The following CSNK2A2 variants were observed in gnomAD, a reference collection of about 807,000 sequenced individuals.
The protein encoded by CSNK2A2 is casein kinase II subunit alpha'.
A neutral mutation model predicts 54.0 loss-of-function variants in CSNK2A2; 8 were observed. That is an observed-to-expected ratio of 0.15 (90% CI 0.09 to 0.27). The LOEUF (loss-of-function observed/expected upper bound fraction) is 0.27, where lower values mean the gene tolerates loss of function less well. Among genes scored for constraint, CSNK2A2 ranks in the 10% least tolerant of loss-of-function variants. The pLI is 1.00. For synonymous variants in CSNK2A2, 141 were observed against 153.9 expected (o/e 0.92, Z 0.62); for missense variants, 242 against 439.4 (o/e 0.55, Z 4.02).
intron 11 of CSNK2A2, 149 bp from the exon 12 acceptor site, chr16:58,158,502 T>C (rs1218323351): frequency 6.6e-6 from 1 of 152,162 alleles, no homozygotes; most frequent in Non-Finnish European, 1.5e-5. Flanking sequence ...ACTCGCTGAG[T>C]TCAGGTTTCC....
At chr16:58,186,539 G>C (rs1463610922) in intron 3 of CSNK2A2, among the ~76,000 whole-genome samples, 1 of 152,132 alleles carries the variant, frequency 6.6e-6, no homozygotes, top group Admixed American at 6.5e-5. Context: ...CCCAGAAAAG[G>C]GATTTTTCTC....
intron 4 of CSNK2A2, among the ~76,000 whole-genome samples, chr16:58,175,027 G>T (rs1961839796): frequency 6.6e-6 from 1 of 152,218 alleles, no homozygotes; most frequent in Non-Finnish European, 1.5e-5. Flanking sequence ...AGCATTTGCA[G>T]ATGGCAAGAG....
intron 3 of CSNK2A2, 71 bp downstream of exon 3, chr16:58,186,684 C>T: frequency 9.6e-7 from 1 of 1,039,718 alleles, no homozygotes; most frequent in Admixed American, 1.9e-5. Context: ...ACGTGAGGTT[C>T]TGTGTGTTAA....
intron 10 of CSNK2A2, among the ~76,000 whole-genome samples, chr16:58,164,696 G>C (rs1011960252): frequency 1.3e-5 from 2 of 152,168 alleles, no homozygotes; most frequent in Non-Finnish European, 1.5e-5. Flanking sequence ...CCAGACACTG[G>C]GGCGGGGACA....
At chr16:58,187,205 T>A (rs1962213489) in intron 2 of CSNK2A2, among the ~76,000 whole-genome samples, 1 of 151,074 alleles carries the variant, frequency 6.6e-6, no homozygotes, top group Non-Finnish European at 1.5e-5. Flanking sequence ...CAGCTGTATA[T>A]CATGCACTCA....
rs144899832 is a variant in CSNK2A2, at chr16:58,196,778, G to A, written c.171C>T (p.Ala57=). ...GRGKYSEVFE[A]INITNNERVV... is the part of the protein sequence containing the mutation. ...CTCTCTCATTGTTGGTGATATTAAT[G>A]GCCTCAAATACTTCACTATATTTTC... Residue 57 remains alanine (A), a synonymous_variant, in exon 2 of 12, where the codon GCC becomes GCT. Coordinates refer to ENST00000262506, the MANE Select transcript of CSNK2A2 (RefSeq NM_001896.4). 6.2e-7 allele frequency: 1 copy of A among 1,613,842 alleles called. No homozygotes were observed. The highest frequency in any genetic ancestry group is 8.5e-7 in the Non-Finnish European group (1 of 1,179,798).
intron 1 of CSNK2A2, 39 bp from the exon 2 acceptor site, chr16:58,196,883 G>A: frequency 7.4e-7 from 1 of 1,344,092 alleles, no homozygotes; most frequent in Non-Finnish European, 1.1e-6. Flanking sequence ...CCAGGACTGG[G>A]GGTTAACCAA....
chr16:58,175,965 A>AT (rs1291167470), intron 4 of CSNK2A2, among the ~76,000 whole-genome samples: 2 of 152,222 alleles, frequency 1.3e-5, no homozygotes, highest in Non-Finnish European at 2.9e-5. Flanking sequence ...CTTCAGCTAC[A>AT]TAACACACAC....
chr16:58,165,826 CT>C, intron 9 of CSNK2A2, 118 bp from the exon 10 acceptor site: 2 of 1,095,248 alleles, frequency 1.8e-6, no homozygotes, highest in Non-Finnish European at 2.6e-6. Flanking sequence ...CTTGTTAAAT[CT>C]CTAACTGGTG....
chr16:58,173,828 T>C (rs983923835), intron 5 of CSNK2A2, among the ~76,000 whole-genome samples: 50 of 152,036 alleles, frequency 3.3e-4, no homozygotes, highest in African/African-American at 1.2e-3. Context: ...GGCTTGGCCA[T>C]GTGATTTGCT....
At chr16:58,184,919 G>A (rs3784917) in intron 3 of CSNK2A2, among the ~76,000 whole-genome samples, 1 of 152,072 alleles carries the variant, frequency 6.6e-6, no homozygotes, top group African/African-American at 2.4e-5. Flanking sequence ...CTTGGCTAGA[G>A]ACCATTAAAG....
intron 2 of CSNK2A2, among the ~76,000 whole-genome samples, chr16:58,191,086 G>A (rs2142448689): frequency 6.6e-6 from 1 of 152,274 alleles, no homozygotes; most frequent in Non-Finnish European, 1.5e-5. Flanking sequence ...GATAAACTTG[G>A]AGGACATTAT....
chr16:58,163,674 C>A (rs946689542), intron 11 of CSNK2A2: 4 of 155,686 alleles, frequency 2.6e-5, no homozygotes, highest in African/African-American at 9.6e-5. Context: ...CTGAATTTCA[C>A]CAAAGGAAAC....
At chr16:58,171,062 A>G (rs1320427632) in intron 5 of CSNK2A2, among the ~76,000 whole-genome samples, 1 of 151,982 alleles carries the variant, frequency 6.6e-6, no homozygotes, top group Non-Finnish European at 1.5e-5. Flanking sequence ...CCCCTGGGGG[A>G]CAAGCTTGAC....
chr16:58,164,245 G>A, intron 10 of CSNK2A2, 98 bp from the exon 11 acceptor site: 2 of 1,095,352 alleles, frequency 1.8e-6, no homozygotes, highest in Non-Finnish European at 2.7e-6. Context: ...GAGACAGACT[G>A]ATGGGCAAGC....
intron 3 of CSNK2A2, 115 bp downstream of exon 3, chr16:58,186,640 T>TA (rs1962199650): frequency 5.5e-6 from 4 of 721,462 alleles, no homozygotes; most frequent in Non-Finnish European, 9.1e-6. Context: ...AGTCAGTAGT[T>TA]AAAGACAAAC....
chr16:58,185,340 T>A (rs1442103962), intron 3 of CSNK2A2, among the ~76,000 whole-genome samples: 1 of 152,210 alleles, frequency 6.6e-6, no homozygotes, highest in Non-Finnish European at 1.5e-5. Context: ...TATTACCACT[T>A]CTCTCAACGG....
chr16:58,185,379 A>G (rs41422944), intron 3 of CSNK2A2, among the ~76,000 whole-genome samples: 49,068 of 152,092 alleles, frequency 0.32, 9,708 homozygotes, highest in Non-Finnish European at 0.45. Context: ...CTGACCTTCT[A>G]ATAGACAAGG....
intron 4 of CSNK2A2, among the ~76,000 whole-genome samples, chr16:58,178,984 A>G (rs1961953612): frequency 6.6e-6 from 1 of 152,228 alleles, no homozygotes; most frequent in African/African-American, 2.4e-5. Context: ...ACACACAGCT[A>G]TAAAGAACAT....
Sources: allele counts gnomAD v4.1 joint callset (sites outside exome capture counted in the v4.1 genomes callset), GRCh38; gene constraint gnomAD v4.1.1; transcripts MANE v1.5; gene names NCBI Gene and HGNC (gene_info 2026-07-23, HGNC 2026-07-21).